Variants in CKAP2 observed in about 807,000 individuals in gnomAD.
CKAP2 encodes cytoskeleton-associated protein 2.
Under a neutral mutation model 58.4 loss-of-function variants are expected in CKAP2, and 46 were observed. That is an observed-to-expected ratio of 0.79 (90% CI 0.62 to 1.01). The LOEUF is 1.01. CKAP2 is among the 50% of genes least tolerant of loss of function. CKAP2 has a pLI of 0.00. For synonymous variants in CKAP2, 293 were observed against 280.9 expected (o/e 1.04, Z -0.43); for missense variants, 809 against 796.4 (o/e 1.02, Z -0.19).
chr13:52,455,597 C>A lies in CKAP2; in HGVS notation c.41C>A (p.Pro14Gln). 1 of 1,611,786 alleles carries A rather than the reference C, an allele frequency of 6.2e-7. No individual in the cohort carries two copies. The highest frequency in any genetic ancestry group is 8.5e-7 in the Non-Finnish European group (1 of 1,179,378). ...PAVPQDLQLP[P>Q]SQRAQSAFKE... ...GTGCCCCAGGACCTGCAGCTGCCCC[C>A]GAGTCAGAGGGCGCAGTCCGCATTC... Residue 14 changes from proline to glutamine, a missense_variant, in exon 1 of 9, where the codon CCG becomes CAG. Pro to Gln is a moderately conservative substitution (Grantham distance 76). Around this residue, in one of 3 missense-constraint regions of CKAP2, gnomAD observed 523 missense variants for 492.4 expected, o/e 1.06. Coordinates refer to ENST00000258607, the MANE Select transcript of CKAP2 (RefSeq NM_018204.5).
intron 7 of CKAP2, among the ~76,000 whole-genome samples, chr13:52,468,733 G>A (rs1356630409): frequency 6.6e-6 from 1 of 152,190 alleles, no homozygotes; most frequent in Non-Finnish European, 1.5e-5. Flanking sequence ...TAGCTGCATA[G>A]TATTCCATGG....
intron 8 of CKAP2, 136 bp from the exon 9 acceptor site, chr13:52,474,759 G>A (rs992045873): frequency 1.2e-6 from 1 of 816,728 alleles, no homozygotes; most frequent in African/African-American, 1.7e-5. Flanking sequence ...TGAGCTTATA[G>A]TACCTCTCTA....
intron 8 of CKAP2, 122 bp from the exon 9 acceptor site, chr13:52,474,773 G>C: frequency 1.0e-6 from 1 of 959,744 alleles, no homozygotes; most frequent in Non-Finnish European, 1.5e-6. Context: ...CTCTCTAAAA[G>C]ACAATTAAAT....
At chr13:52,467,526 G>A (rs1288619941) in intron 6 of CKAP2, among the ~76,000 whole-genome samples, 1 of 152,110 alleles carries the variant, frequency 6.6e-6, no homozygotes, top group African/African-American at 2.4e-5. Flanking sequence ...TGGCCAGCAT[G>A]GTGAAACTCT....
chr13:52,468,004 G>T (rs965130868), intron 6 of CKAP2, among the ~76,000 whole-genome samples: 40 of 151,970 alleles, frequency 2.6e-4, no homozygotes, highest in Non-Finnish European at 4.7e-4. Context: ...TAGAGACGGG[G>T]TTTCACCGTG....
At chr13:52,462,716 A>G (rs1002355305) in intron 5 of CKAP2, 149 bp downstream of exon 5, 4 of 641,804 alleles carry the variant, frequency 6.2e-6, no homozygotes, top group South Asian at 4.1e-5. Context: ...TATTTTAACA[A>G]TTATTTAATT....
Position 52,475,265 on chromosome 13 carries a change from G to A in CKAP2, c.*124G>A, listed in dbSNP as rs1958812968. 1 of 1,155,832 alleles carries A rather than the reference G, an allele frequency of 8.7e-7. No individual in the cohort carries two copies. Among genetic ancestry groups the A allele is most frequent in the Non-Finnish European group, 1.2e-6 (1 of 830,034 alleles). The allele number at this position is 1,155,832 out of a possible 1,614,324, so 71.6% of individuals were successfully genotyped here. A position where few individuals can be genotyped will look rare whatever the true frequency, so the allele number is the denominator to read the frequency against. On this transcript the variant is annotated 3_prime_UTR_variant, in exon 9 of 9. Coordinates refer to ENST00000258607, the MANE Select transcript of CKAP2 (RefSeq NM_018204.5). ...TACCTATGTATCCTAAGCATTCACG[G>A]CAGTGAGCTCCTTTACTAACATTCA... is the stretch of plus-strand genomic sequence containing the variant.
At chr13:52,457,925 A>C (rs1288951052) in intron 2 of CKAP2, among the ~76,000 whole-genome samples, 3 of 152,210 alleles carry the variant, frequency 2.0e-5, no homozygotes, top group African/African-American at 7.2e-5. Context: ...GAGAGTGGAA[A>C]TGATAACGCA....
chr13:52,461,895 G>C lies in CKAP2; in HGVS notation c.1069G>C (p.Ala357Pro), dbSNP rs750786244. 6.2e-7 allele frequency: 1 copy of C among 1,606,262 alleles called. No homozygotes were observed. The highest frequency in any genetic ancestry group is 8.5e-7 in the Non-Finnish European group (1 of 1,177,970). The part of the protein sequence containing the change: ...AGKAIVDSRS[A>P]QPKETSEERK... ...AAAAGCAATTGTTGATAGTAGATCA[G>C]CTCAGCCCAAAGAAACCTCGGAAGA... Residue 357 changes from alanine to proline, a missense_variant, in exon 4 of 9, where the codon GCT (alanine) becomes CCT (proline). By Grantham distance (27) the Ala-to-Pro change is conservative. Coordinates refer to ENST00000258607, the MANE Select transcript of CKAP2 (RefSeq NM_018204.5).
intron 6 of CKAP2, among the ~76,000 whole-genome samples, chr13:52,466,579 G>A (rs1958681142): frequency 6.6e-6 from 1 of 152,184 alleles, no homozygotes; most frequent in Non-Finnish European, 1.5e-5. Flanking sequence ...GGACATTGTA[G>A]CAAGGATGCA....
chr13:52,461,668 G>T lies in CKAP2; in HGVS notation c.842G>T (p.Arg281Leu), dbSNP rs1232169384. The T allele has an allele frequency of 1.9e-6, 3 of 1,614,044 alleles. No homozygotes were observed. The South Asian group carries it at 3.3e-5, about 18-fold the overall frequency. Reference sequence around the variant, plus strand: ...AGAACTTCTGCCAATGTTACAATCCGGAAAGGGCCTCATGAAAAAGAACTA... The same window carrying T: ...AGAACTTCTGCCAATGTTACAATCCTGAAAGGGCCTCATGAAAAAGAACTA... ...ISRTSANVTIRKGPHEKELLQ... is the reference protein window; with the variant it reads ...ISRTSANVTILKGPHEKELLQ... Residue 281 changes from arginine to leucine, a missense_variant, in exon 4 of 9, where the codon CGG becomes CTG. Around this residue, in one of 3 missense-constraint regions of CKAP2, gnomAD observed 523 missense variants for 492.4 expected, o/e 1.06. Coordinates refer to ENST00000258607, the MANE Select transcript of CKAP2 (RefSeq NM_018204.5).
intron 7 of CKAP2, among the ~76,000 whole-genome samples, chr13:52,472,458 A>T (rs763901933): frequency 6.6e-6 from 1 of 152,194 alleles, no homozygotes; most frequent in Non-Finnish European, 1.5e-5. Flanking sequence ...CTTAGTAAAA[A>T]TTTTTAATAA....
intron 6 of CKAP2, among the ~76,000 whole-genome samples, chr13:52,465,996 C>T (rs1038823936): frequency 1.3e-5 from 2 of 151,542 alleles, no homozygotes; most frequent in Non-Finnish European, 2.9e-5. Context: ...TATATGCACA[C>T]ATATATATAC....
chr13:52,465,808 A>G (rs1958659427), intron 6 of CKAP2: 1 of 426,312 alleles, frequency 2.3e-6, no homozygotes, highest in Admixed American at 3.0e-5. Context: ...TATTGAATAT[A>G]AAGCAAAAGG....
intron 7 of CKAP2, 64 bp from the exon 8 acceptor site, chr13:52,473,765 A>G: frequency 6.9e-7 from 1 of 1,458,178 alleles, no homozygotes. Context: ...AACAACTTTA[A>G]TGTCTTCTGA....
intron 6 of CKAP2, chr13:52,465,888 C>A: frequency 1.1e-5 from 3 of 266,404 alleles, no homozygotes; most frequent in Non-Finnish European, 2.2e-5. Flanking sequence ...AGAGTAAACC[C>A]GAATGTACTC....
chr13:52,468,241 C>T (rs747054359), intron 6 of CKAP2, 37 bp from the exon 7 acceptor site: 1 of 1,301,452 alleles, frequency 7.7e-7, no homozygotes, highest in South Asian at 1.3e-5. Flanking sequence ...GAAAATAAAA[C>T]TTACATGGAT....
intron 2 of CKAP2, 115 bp from the exon 3 acceptor site, chr13:52,460,784 A>T: frequency 1.2e-6 from 1 of 832,794 alleles, no homozygotes; most frequent in Non-Finnish European, 1.7e-6. Context: ...GGTCTTTTTT[A>T]AATTTAAAAT....
At position 52,465,316 on chromosome 13, in the gene CKAP2, C is replaced by A. The variant is rs192868791; in HGVS notation, c.1327C>A (p.Leu443Met). 6.2e-7 allele frequency: 1 copy of A among 1,612,046 alleles called. No homozygotes were observed. Among genetic ancestry groups the A allele is most frequent in the South Asian group, 1.1e-5 (1 of 90,806 alleles). ...INEGCPKEDI[L>M]VTLNDLIKNI... ...TTAGGGATGTCCAAAAGAAGATATA[C>A]TGGTCACACTGAATGACCTGATTAA... is the stretch of plus-strand genomic sequence containing the variant. The change falls in exon 6 of 9, where the codon CTG (leucine) becomes ATG (methionine). Residue 443 changes from leucine (L) to methionine (M), a missense_variant. By Grantham distance (15) the Leu-to-Met change is conservative (BLOSUM62 2). Around this residue, in one of 3 missense-constraint regions of CKAP2, gnomAD observed 283 missense variants for 287.6 expected, o/e 0.98. Coordinates refer to ENST00000258607, the MANE Select transcript of CKAP2 (RefSeq NM_018204.5).
Sources: allele counts gnomAD v4.1 joint callset (sites outside exome capture counted in the v4.1 genomes callset), GRCh38; gene constraint gnomAD v4.1.1; regional missense constraint gnomAD v4.1.1; transcripts MANE v1.5; gene names NCBI Gene and HGNC (gene_info 2026-07-23, HGNC 2026-07-21).